SPACA6: variants seen among roughly 807,000 people sequenced by gnomAD.
SPACA6 encodes the protein sperm acrosome associated 6, also known as sperm acrosome membrane-associated protein 6.
For missense variants in SPACA6, 8 were observed against 2.8 expected (o/e 2.88, Z -1.34); for synonymous variants, 6 against 1.5 (o/e 4.05, Z -2.21).
rs1303354093 is a variant in SPACA6, at chr19:51,705,138, C to T, written c.*15C>T. Reference sequence around the variant, plus strand: ...GTGGCAACTAACAAAGGTATCTTTCCTCCTTCCCTATCCTATTTCCATCCT... The same window carrying T: ...GTGGCAACTAACAAAGGTATCTTTCTTCCTTCCCTATCCTATTTCCATCCT... On this transcript the variant is annotated 3_prime_UTR_variant, in exon 9 of 9. Transcript: ENST00000637797. 4.0e-5 allele frequency: 16 copies of T among 401,198 alleles called. No individual in the cohort carries two copies. Among genetic ancestry groups the T allele is most frequent in the Admixed American group, 2.6e-4 (6 of 22,724 alleles). The allele number at this position is 401,198 out of a possible 1,614,324, so 24.9% of individuals were successfully genotyped here.
At chr19:51,689,784 G>A (rs2083353882), upstream of SPACA6, among the ~76,000 whole-genome samples, 1 of 151,886 alleles carries the variant, frequency 6.6e-6, no homozygotes, top group African/African-American at 2.4e-5. Context: ...TCTGGAGAAG[G>A]CTGGGGACAC....
Position 51,703,879 on chromosome 19 carries a change from G to T in SPACA6, c.574-151G>T. The T allele has an allele frequency of 2.5e-6, 1 of 397,366 alleles. No homozygotes were observed. Among genetic ancestry groups the T allele is most frequent in the Non-Finnish European group, 4.4e-6 (1 of 225,864 alleles). 24.6% of individuals were successfully genotyped at this position (397,366 alleles called of 1,614,324 possible). ...GGTTTAAGGAGTGAGGGGAAGGGGT[G>T]CGTTTAGGGCAGGGGAGCGAGAAGG... On this transcript the variant is annotated intron_variant, in intron 6 of 8. Coordinates refer to ENST00000637797, the MANE Select transcript of SPACA6 (RefSeq NM_001316972.2). The surrounding 1 kb of genome is among the most constrained non-coding windows in gnomAD (Gnocchi z 4.2).
At chr19:51,683,073 C>G in the SPACA6 span, among the ~76,000 whole-genome samples, 177 of 152,250 alleles carry the variant, frequency 1.2e-3, 1 homozygote, top group Admixed American at 9.0e-3. Flanking sequence ...GAAATGTATT[C>G]TCTCGCAGAT....
upstream of SPACA6, among the ~76,000 whole-genome samples, chr19:51,684,156 G>C (rs2083318165): frequency 6.6e-6 from 1 of 152,170 alleles, no homozygotes; most frequent in Non-Finnish European, 1.5e-5. Context: ...AGGGGCATCA[G>C]TGCTTGGACA....
At chr19:51,683,779 T>C in the SPACA6 span, among the ~76,000 whole-genome samples, 1 of 152,282 alleles carries the variant, frequency 6.6e-6, no homozygotes, top group Non-Finnish European at 1.5e-5. Flanking sequence ...ATGATATAGG[T>C]ACTATTATTA....
At chr19:51,709,291 G>C (rs1353826549), downstream of SPACA6, among the ~76,000 whole-genome samples, 1 of 151,518 alleles carries the variant, frequency 6.6e-6, no homozygotes, top group Admixed American at 6.6e-5. Flanking sequence ...GCCGAGGCAG[G>C]CAGATCACCT....
intron 2 of SPACA6, among the ~76,000 whole-genome samples, chr19:51,697,927 T>C (rs2083442152): frequency 6.6e-6 from 1 of 152,184 alleles, no homozygotes; most frequent in African/African-American, 2.4e-5. Context: ...AACTTGGAGA[T>C]GGCAATCCTA....
upstream of SPACA6, chr19:51,692,814 T>C (rs1189776118): frequency 1.9e-6 from 1 of 534,320 alleles, no homozygotes; most frequent in African/African-American, 1.9e-5. This position sits in a 1 kb window ranked among gnomAD's most constrained non-coding sequence, Gnocchi z 5.6. Context: ...GTTGTATAGT[T>C]GAGGAGGACA....
chr19:51,708,097 C>T (rs1294685445), downstream of SPACA6, among the ~76,000 whole-genome samples: 2 of 152,132 alleles, frequency 1.3e-5, no homozygotes, highest in Admixed American at 6.5e-5. Context: ...GAGGGGGCAG[C>T]GGGTGAGGCC....
chr19:51,704,407 C>T lies in SPACA6; in HGVS notation c.868C>T (p.Leu290=), dbSNP rs897279448. 4 of 401,114 alleles carry T rather than the reference C, an allele frequency of 1.0e-5. No individual in the cohort carries two copies. Among genetic ancestry groups the T allele is most frequent in the Non-Finnish European group, 1.8e-5 (4 of 226,282 alleles). The allele number at this position is 401,114 out of a possible 1,614,324, so 24.8% of individuals were successfully genotyped here. A position where few individuals can be genotyped will look rare whatever the true frequency, so the allele number is the denominator to read the frequency against. ...CGAGCTGCTGGCCAGGCCCGAGGCT[C>T]TGACGCCCAGCAATCTGTTCCTGCT... ...LGELLARPEA[L]TPSNLFLLAV... The change falls in exon 8 of 9, where the codon CTG becomes TTG. Residue 290 remains leucine, a synonymous_variant. Transcript: ENST00000637797.
rs141873740 is a variant in SPACA6, at chr19:51,704,332, T to C, written c.793T>C (p.Trp265Arg). 1.1e-4 allele frequency: 46 copies of C among 400,680 alleles called. No homozygotes were observed. Among genetic ancestry groups the C allele is most frequent in the East Asian group, 7.5e-4 (21 of 28,042 alleles). The allele number at this position is 400,680 out of a possible 1,614,324, so 24.8% of individuals were successfully genotyped here. A position where few individuals can be genotyped will look rare whatever the true frequency, so the allele number is the denominator to read the frequency against. The change falls in exon 8 of 9, where the codon TGG becomes CGG. Residue 265 changes from tryptophan (W) to arginine (R), a missense_variant. Transcript: ENST00000637797. ...LQASFREVLR[W>R]APRDAELIEP... ...GGCCTCGTTCCGGGAAGTGCTGCGC[T>C]GGGCGCCGCGGGATGCCGAGCTGAT...
Position 51,703,957 on chromosome 19 carries a change from C to T in SPACA6, c.574-73C>T. On this transcript the variant is annotated intron_variant, in intron 6 of 8. Transcript: ENST00000637797. This position sits in a 1 kb window ranked among gnomAD's most constrained non-coding sequence, Gnocchi z 4.2. ...CAGGACTCCAGGGGGCGTGGTCTGG[C>T]TCGGGGGGCGGGGCTTGTAGGTTAC... 1 of 398,100 alleles carries T rather than the reference C, an allele frequency of 2.5e-6. No individual in the cohort carries two copies. The allele number at this position is 398,100 out of a possible 1,614,324, so 24.7% of individuals were successfully genotyped here.
At chr19:51,682,796 C>A in the SPACA6 span, among the ~76,000 whole-genome samples, 1 of 152,284 alleles carries the variant, frequency 6.6e-6, no homozygotes, top group East Asian at 1.9e-4. Context: ...AATCCCAGTA[C>A]TTTGGGAGAC....
At chr19:51,693,137 C>A, upstream of SPACA6, 1 of 418,550 alleles carries the variant, frequency 2.4e-6, no homozygotes, top group African/African-American at 2.0e-5. Context: ...CGATATCTCT[C>A]TGTGTCTCTA....
upstream of SPACA6, among the ~76,000 whole-genome samples, chr19:51,684,141 G>A (rs1162447306): frequency 3.9e-5 from 6 of 152,258 alleles, no homozygotes; most frequent in South Asian, 6.2e-4. Context: ...TTTGGGGGGA[G>A]AAGGAGGGGC....
chr19:51,684,516 A>G (rs912537903), upstream of SPACA6, among the ~76,000 whole-genome samples: 2 of 152,090 alleles, frequency 1.3e-5, no homozygotes, highest in Non-Finnish European at 2.9e-5. Flanking sequence ...CCCGACAACA[A>G]TGGGGACCCT....
At chr19:51,695,231 G>T (rs1368222940) in intron 2 of SPACA6, among the ~76,000 whole-genome samples, 3 of 152,202 alleles carry the variant, frequency 2.0e-5, no homozygotes, top group African/African-American at 7.2e-5. Flanking sequence ...ACATGTGACA[G>T]CCTTGAGGTG....
At position 51,704,166 on chromosome 19, in the gene SPACA6, G is replaced by T; in HGVS notation, c.710G>T (p.Arg237Leu). Residue 237 changes from arginine (R) to leucine (L), a missense_variant, in exon 7 of 9, where the codon CGG (arginine) becomes CTG (leucine). Coordinates refer to ENST00000637797, the MANE Select transcript of SPACA6 (RefSeq NM_001316972.2). ...AAGCAAGACCAGCGCCCCCTGGCCC[G>T]GCTCTACTTCTTTCTTAACGGTGGG... The part of the protein sequence containing the change: ...VIKQDQRPLA[R>L]LYFFLNVTGP... The T allele has an allele frequency of 2.5e-6, 1 of 401,110 alleles. No homozygotes were observed. The highest frequency in any genetic ancestry group is 4.4e-6 in the Non-Finnish European group (1 of 226,172). The allele number at this position is 401,110 out of a possible 1,614,324, so 24.8% of individuals were successfully genotyped here.
Position 51,701,637 on chromosome 19 carries a change from G to A in SPACA6, c.293-21G>A, listed in dbSNP as rs375241087. ...GGGGAAGGGCTTTACTACACAGGCC[G>A]TCCTCCCCTCCACTCTCCAGGATCC... On this transcript the variant is annotated intron_variant, in intron 2 of 8. Coordinates refer to ENST00000637797, the MANE Select transcript of SPACA6 (RefSeq NM_001316972.2). 7.5e-5 allele frequency: 30 copies of A among 398,752 alleles called. No individual in the cohort carries two copies. In the South Asian group the frequency reaches 3.6e-3, roughly 47 times the overall value. 24.7% of individuals were successfully genotyped at this position (398,752 alleles called of 1,614,324 possible).
Sources: gnomAD v4.1 joint callset for allele counts (sites outside exome capture counted in the v4.1 genomes callset) on GRCh38, gnomAD v4.1.1 for gene constraint, Gnocchi (gnomAD v3.1) non-coding constraint, MANE v1.5 for transcripts, NCBI Gene and HGNC (gene_info 2026-07-23, HGNC 2026-07-21) for gene names.